Variants in SCN9A observed in about 807,000 individuals in gnomAD.
SCN9A encodes sodium voltage-gated channel alpha subunit 9.
A neutral mutation model predicts 187.0 loss-of-function variants in SCN9A; 131 were observed. The observed-to-expected ratio is 0.70, with a 90% CI of 0.61 to 0.81. SCN9A has a LOEUF of 0.81. SCN9A is among the 30% of genes least tolerant of loss of function. The pLI is 0.00. For synonymous variants in SCN9A, 809 were observed against 808.6 expected, an observed-to-expected ratio of 1.00 and a Z score of -0.01; for missense variants, 2,252 against 2,396.6, an observed-to-expected ratio of 0.94 and a Z score of 1.26.
intron 9 of SCN9A, among the ~76,000 whole-genome samples, chr2:166,291,091 C>A (rs1698045632): frequency 6.6e-6 from 1 of 152,014 alleles, no homozygotes; most frequent in African/African-American, 2.4e-5. Context: ...GGCAATCAGA[C>A]AAGAGAAAGA....
chr2:166,333,929 T>A (rs918195506), intron 1 of SCN9A, among the ~76,000 whole-genome samples: 1 of 152,118 alleles, frequency 6.6e-6, no homozygotes, highest in Non-Finnish European at 1.5e-5. Context: ...AAACTTTTCA[T>A]CCATTTTATC....
chr2:166,201,943 T>C (rs1350392683), intron 26 of SCN9A, among the ~76,000 whole-genome samples: 1 of 151,758 alleles, frequency 6.6e-6, no homozygotes, highest in Non-Finnish European at 1.5e-5. Context: ...TTTCCTTGTG[T>C]TTTGTTATTT....
chr2:166,238,478 G>T (rs1338696023), intron 19 of SCN9A, among the ~76,000 whole-genome samples: 1 of 152,200 alleles, frequency 6.6e-6, no homozygotes, highest in Non-Finnish European at 1.5e-5. Context: ...GAGGTCAAGA[G>T]AAAGTGCAAA....
chr2:166,248,876 G>A (rs1327894965), intron 18 of SCN9A, among the ~76,000 whole-genome samples: 5 of 151,626 alleles, frequency 3.3e-5, no homozygotes, highest in African/African-American at 7.3e-5. Flanking sequence ...CGCTACGTTG[G>A]CCAGGCTGGT....
At chr2:166,227,556 C>T in intron 23 of SCN9A, 114 bp downstream of exon 23, 1 of 699,604 alleles carries the variant, frequency 1.4e-6, no homozygotes. Context: ...GGTGGATGTT[C>T]TTCATTGTCT....
chr2:166,231,236 A>G (rs1423369924), intron 21 of SCN9A, among the ~76,000 whole-genome samples: 3 of 152,206 alleles, frequency 2.0e-5, no homozygotes, highest in Non-Finnish European at 2.9e-5. Flanking sequence ...GTTAATGTCA[A>G]TGAATTCTAA....
rs1261742033 is a variant in SCN9A at position 166,199,146 on chromosome 2, A to C, written c.5493T>G (p.Val1831=). The change falls in exon 27 of 27, where the codon GTT becomes GTG. Residue 1831 remains valine (V), a synonymous_variant. Coordinates refer to ENST00000642356, the MANE Select transcript of SCN9A (RefSeq NM_001365536.1). ...CAAGACAATGGATCCGGTCACCACT[A>C]ACCATGGGCAGATCCATGGCAATGA... is the stretch of plus-strand genomic sequence containing the variant. The part of the protein sequence containing the change: ...VQLIAMDLPM[V]SGDRIHCLDI... 4 of 1,614,076 alleles carry C rather than the reference A, an allele frequency of 2.5e-6. No individual in the cohort carries two copies. In the Admixed American group the frequency reaches 5.0e-5, roughly 20 times the overall value.
chr2:166,357,878 A>G (rs1052926084), intron 1 of SCN9A, among the ~76,000 whole-genome samples: 22 of 152,092 alleles, frequency 1.4e-4, no homozygotes, highest in African/African-American at 5.3e-4. Context: ...TGAAACTACC[A>G]AGGAGGTTAT....
chr2:166,214,907 T>G (rs531942935), intron 24 of SCN9A, among the ~76,000 whole-genome samples: 1 of 151,214 alleles, frequency 6.6e-6, no homozygotes, highest in African/African-American at 2.4e-5. Context: ...ATTTATGCAG[T>G]TTCTTATTAG....
chr2:166,305,424 A>C (rs1187339215), intron 5 of SCN9A, among the ~76,000 whole-genome samples: 3 of 152,092 alleles, frequency 2.0e-5, no homozygotes, highest in African/African-American at 7.2e-5. Context: ...GGTAATATAA[A>C]GAGCACTGTA....
intron 1 of SCN9A, among the ~76,000 whole-genome samples, chr2:166,316,974 G>C (rs554978785): frequency 6.6e-6 from 1 of 151,890 alleles, no homozygotes; most frequent in South Asian, 2.1e-4. Context: ...GAAAGAGAGC[G>C]TTCAAAGACT....
At chr2:166,225,785 G>A (rs1694820813) in intron 24 of SCN9A, among the ~76,000 whole-genome samples, 1 of 152,150 alleles carries the variant, frequency 6.6e-6, no homozygotes, top group South Asian at 2.1e-4. Context: ...GAGGGAAAAT[G>A]GCATGTCACT....
Position 166,284,767 on chromosome 2 carries a change from G to T in SCN9A, c.1660C>A (p.Leu554Ile), listed in dbSNP as rs201994523. ...FSARRSSRTSLFSFKGRGRDI... is the reference protein window; with the variant it reads ...FSARRSSRTSIFSFKGRGRDI... ...CTTCCTCTGCCTTTGAAACTAAAAA[G>T]ACTTGTTCTGCTGCTTCGCCTTGCA... The change falls in exon 12 of 27, where the codon CTT becomes ATT. Residue 554 changes from leucine (L) to isoleucine (I), a missense_variant. Around this residue, in one of 7 missense-constraint regions of SCN9A, gnomAD observed 1,013 missense variants for 997.4 expected, o/e 1.02. Coordinates refer to ENST00000642356, the MANE Select transcript of SCN9A (RefSeq NM_001365536.1). 138 of 1,613,494 alleles carry T rather than the reference G, an allele frequency of 8.6e-5. No homozygotes were observed. Among genetic ancestry groups the T allele is most frequent in the Non-Finnish European group, 1.1e-4 (130 of 1,179,858 alleles).
chr2:166,363,629 G>A (rs961662738), intron 1 of SCN9A, among the ~76,000 whole-genome samples: 5 of 142,978 alleles, frequency 3.5e-5, no homozygotes, highest in Non-Finnish European at 6.5e-5. Context: ...CAGATCTCTG[G>A]GGACAATGGG....
intron 19 of SCN9A, among the ~76,000 whole-genome samples, chr2:166,240,058 G>T (rs1695497864): frequency 6.6e-6 from 1 of 152,172 alleles, no homozygotes; most frequent in East Asian, 1.9e-4. Flanking sequence ...AAGATATGGT[G>T]ACTTTGATTT....
intron 17 of SCN9A, 49 bp from the exon 18 acceptor site, chr2:166,251,934 C>A (rs1232291154): frequency 6.3e-7 from 1 of 1,598,078 alleles, no homozygotes; most frequent in East Asian, 2.2e-5. Context: ...AGAGTTCATT[C>A]AAATATGATA....
intron 24 of SCN9A, among the ~76,000 whole-genome samples, chr2:166,220,761 C>A (rs1476038506): frequency 5.3e-5 from 8 of 152,052 alleles, no homozygotes; most frequent in Non-Finnish European, 1.0e-4. Context: ...AGGAATAAGA[C>A]AAATATGGCT....
At chr2:166,199,918 G>T in intron 26 of SCN9A, 54 bp from the exon 27 acceptor site, 1 of 1,264,882 alleles carries the variant, frequency 7.9e-7, no homozygotes, top group Non-Finnish European at 1.1e-6. Context: ...TATGCTACCT[G>T]AAATGATGAC....
chr2:166,311,579 G>A lies in SCN9A; in HGVS notation c.178C>T (p.Pro60Ser), dbSNP rs540853945. The change falls in exon 2 of 27, where the codon CCC (proline) becomes TCC (serine). Residue 60 changes from proline (P) to serine (S), a missense_variant. Transcript: ENST00000642356. ...GGAGGAATGTCCCCATAGATGAAGG[G>A]CAGCTGTTTGCCAGCTTCCAAGTCA... ...SSDLEAGKQL[P>S]FIYGDIPPGM... 1 of 1,613,200 alleles carries A rather than the reference G, an allele frequency of 6.2e-7. No homozygotes were observed. The highest frequency in any genetic ancestry group is 2.2e-5 in the East Asian group (1 of 44,798).
Sources: allele counts gnomAD v4.1 joint callset (sites outside exome capture counted in the v4.1 genomes callset), GRCh38; gene constraint gnomAD v4.1.1; regional missense constraint gnomAD v4.1.1; transcripts MANE v1.5; gene names NCBI Gene and HGNC (gene_info 2026-07-23, HGNC 2026-07-21).